ADGRL2: variants seen among roughly 807,000 people sequenced by gnomAD.
The protein encoded by ADGRL2 is calcium-independent alpha-latrotoxin receptor 2.
Under a neutral mutation model 157.4 loss-of-function variants are expected in ADGRL2, and 44 were observed. That is an observed-to-expected ratio of 0.28 (90% confidence interval 0.22 to 0.36). The LOEUF (loss-of-function observed/expected upper bound fraction) is 0.36. Ranked by LOEUF, ADGRL2 falls within the 10% of genes least tolerant of loss-of-function variation. The pLI is 1.00. For missense variants in ADGRL2, 1,510 were observed against 1,768.9 expected (o/e 0.85, Z 2.63); for synonymous variants, 585 against 624.7 (o/e 0.94, Z 0.95).
At chr1:81,493,731 A>G (rs974452833) in intron 2 of ADGRL2, among the ~76,000 whole-genome samples, 1 of 152,174 alleles carries the variant, frequency 6.6e-6, no homozygotes, top group African/African-American at 2.4e-5. Context: ...GTTGCCAGAA[A>G]AAATGGACAG....
At chr1:81,747,023 C>CGT (rs140354478) in intron 1 of ADGRL2, among the ~76,000 whole-genome samples, 1,819 of 141,726 alleles carry the variant, frequency 0.013, 43 homozygotes, top group African/African-American at 0.045. Flanking sequence ...TATGTATACA[C>CGT]GTGTATATAC....
intron 3 of ADGRL2, among the ~76,000 whole-genome samples, chr1:81,913,798 A>G (rs1199415205): frequency 1.8e-4 from 28 of 152,166 alleles, no homozygotes; most frequent in Admixed American, 1.6e-3. Flanking sequence ...TATTTTCCAC[A>G]GGGGCTGAAA....
chr1:81,631,575 G>C (rs11576873), intron 3 of ADGRL2, among the ~76,000 whole-genome samples: 1 of 152,082 alleles, frequency 6.6e-6, no homozygotes, highest in Non-Finnish European at 1.5e-5. Flanking sequence ...TTGGAATTAC[G>C]CACCGATATC....
At chr1:81,675,179 T>G (rs916884306) in intron 3 of ADGRL2, among the ~76,000 whole-genome samples, 1 of 147,358 alleles carries the variant, frequency 6.8e-6, no homozygotes, top group African/African-American at 2.4e-5. Flanking sequence ...GAGCATAACT[T>G]TTTTTGTTTC....
intron 1 of ADGRL2, among the ~76,000 whole-genome samples, chr1:81,324,821 A>T (rs1442725372): frequency 6.6e-6 from 1 of 151,942 alleles, no homozygotes; most frequent in Non-Finnish European, 1.5e-5. Context: ...GGTTCAAGCG[A>T]TTCCCCTGCT....
intron 2 of ADGRL2, among the ~76,000 whole-genome samples, chr1:81,569,006 A>C (rs2080625870): frequency 6.6e-6 from 1 of 152,144 alleles, no homozygotes; most frequent in African/African-American, 2.4e-5. Flanking sequence ...AAATTTTATA[A>C]ACTTTAAAAT....
upstream of ADGRL2, among the ~76,000 whole-genome samples, chr1:81,798,827 A>G (rs1370298577): frequency 6.6e-6 from 1 of 152,194 alleles, no homozygotes; most frequent in Non-Finnish European, 1.5e-5. Flanking sequence ...TTGATTACTT[A>G]CTAAGCTCAC....
intron 1 of ADGRL2, among the ~76,000 whole-genome samples, chr1:81,747,253 GTATATATGTATATGTGTA>G (rs2085325762): frequency 6.8e-6 from 1 of 147,408 alleles, no homozygotes; most frequent in Non-Finnish European, 1.5e-5. Context: ...GTATATGTGT[GTATATATGTATATGTGTA>G]TATATACATG....
At chr1:81,809,944 A>G (rs761783683) in intron 1 of ADGRL2, among the ~76,000 whole-genome samples, 41 of 151,894 alleles carry the variant, frequency 2.7e-4, no homozygotes, top group Non-Finnish European at 5.5e-4. Context: ...GCCTCCTTTT[A>G]TAGGTATTTT....
At chr1:81,379,696 C>T (rs1485888807) in intron 1 of ADGRL2, among the ~76,000 whole-genome samples, 1 of 152,150 alleles carries the variant, frequency 6.6e-6, no homozygotes, top group Non-Finnish European at 1.5e-5. Flanking sequence ...TGTCAGTGTG[C>T]TCCCCTCAAC....
rs554770332 is a variant in ADGRL2 at position 81,944,799 on chromosome 1, A to G, written c.1210+1030A>G. On this transcript the variant is annotated intron_variant, in intron 6 of 23. Coordinates refer to ENST00000686636, the MANE Select transcript of ADGRL2 (RefSeq NM_001366006.2). Reference sequence around the variant, plus strand: ...TCTTCTCTTAAAGCAATGCAAGTACACACACTTAAATATGTTCATAACAAA... The same window carrying G: ...TCTTCTCTTAAAGCAATGCAAGTACGCACACTTAAATATGTTCATAACAAA... Among the ~76,000 whole-genome samples the G allele has an allele frequency of 1.2e-4, 19 of 152,184 alleles. No homozygotes were observed. The South Asian group carries it at 3.9e-3, about 32-fold the overall frequency.
intron 2 of ADGRL2, among the ~76,000 whole-genome samples, chr1:81,543,700 C>A (rs190789930): frequency 2.5e-4 from 38 of 152,232 alleles, no homozygotes; most frequent in Admixed American, 1.3e-4. Flanking sequence ...TTTCAAGAGG[C>A]AGTCAACAAC....
rs1189334334 is a variant in ADGRL2, at chr1:81,969,184, G to T, written c.2530G>T (p.Asp844Tyr). ...LMAHREIAYKDGVHELLLTVI... is the reference protein window; with the variant it reads ...LMAHREIAYKYGVHELLLTVI... ...CATATCTTTTTATTTTCAGTATAAA[G>T]ATGGCGTTCATGAATTACTTCTTAC... Residue 844 changes from aspartate (D) to tyrosine (Y), a missense_variant, in exon 15 of 24, where the codon GAT (aspartate) becomes TAT (tyrosine). Physicochemically the swap from Asp to Tyr is radical, Grantham distance 160 (BLOSUM62 -3). Around this residue, in one of 4 missense-constraint regions of ADGRL2, gnomAD observed 497 missense variants for 627.2 expected, o/e 0.79. Transcript: ENST00000686636. 2.5e-6 allele frequency: 4 copies of T among 1,611,208 alleles called. No homozygotes were observed. The South Asian group carries it at 4.4e-5, about 18-fold the overall frequency.
chr1:81,571,353 T>TATATATATA (rs2080685356), intron 2 of ADGRL2, among the ~76,000 whole-genome samples: 1 of 147,418 alleles, frequency 6.8e-6, no homozygotes, highest in Non-Finnish European at 1.5e-5. Flanking sequence ...TATATACATA[T>TATATATATA]ATATATATAA....
In ADGRL2 at chr1:81,527,991, C is replaced by T. The variant is rs575694967; in HGVS notation, c.-247-52885C>T. On this transcript the variant is annotated intron_variant, in intron 2 of 24. Coordinates refer to the ADGRL2 transcript ENST00000370721. The stretch of plus-strand genomic sequence containing the variant: ...CTGAGGCAGGAGAATGACGTGAACC[C>T]GGGAGGCGGAGCTTGCAGTGAGCCG... Among the ~76,000 whole-genome samples the T allele has an allele frequency of 4.0e-5, 6 of 151,890 alleles. No individual in the cohort carries two copies. In the South Asian group the frequency reaches 1.0e-3, roughly 26 times the overall value.
At chr1:81,850,992 A>C (rs1458021408) in intron 2 of ADGRL2, among the ~76,000 whole-genome samples, 1 of 151,888 alleles carries the variant, frequency 6.6e-6, no homozygotes, top group African/African-American at 2.4e-5. Flanking sequence ...GCTACATTTT[A>C]AATATATACT....
At chr1:81,966,338 T>C (rs1558013665) in intron 12 of ADGRL2, 66 bp from the exon 13 acceptor site, 1 of 1,539,018 alleles carries the variant, frequency 6.5e-7, no homozygotes, top group African/African-American at 1.4e-5. Flanking sequence ...ATTTTATTCT[T>C]ATTTTATCTT....
intron 3 of ADGRL2, among the ~76,000 whole-genome samples, chr1:81,676,454 C>T (rs1001354253): frequency 6.6e-6 from 1 of 152,106 alleles, no homozygotes; most frequent in African/African-American, 2.4e-5. Flanking sequence ...CACAGCACCA[C>T]ACCCAGCAAA....
chr1:81,507,279 C>T (rs569274385), intron 2 of ADGRL2, among the ~76,000 whole-genome samples: 176 of 152,076 alleles, frequency 1.2e-3, no homozygotes, highest in African/African-American at 4.0e-3. Flanking sequence ...AGCACTTTCT[C>T]CTGCACAGAA....
Sources: gnomAD v4.1 joint callset for allele counts (sites outside exome capture counted in the v4.1 genomes callset) on GRCh38, gnomAD v4.1.1 for gene constraint, gnomAD v4.1.1 regional missense constraint, MANE v1.5 for transcripts, NCBI Gene and HGNC (gene_info 2026-07-23, HGNC 2026-07-21) for gene names.